RALGPS2: variants seen among roughly 807,000 people sequenced by gnomAD.
RALGPS2 encodes Ral GEF with PH domain and SH3 binding motif 2.
A neutral mutation model predicts 86.8 loss-of-function variants in RALGPS2; 43 were observed. The ratio of observed to expected loss-of-function variants is 0.50; its 90% confidence interval spans 0.39 to 0.64. The LOEUF (loss-of-function observed/expected upper bound fraction) is 0.64. RALGPS2 is among the 30% of genes least tolerant of loss of function. The probability of loss-of-function intolerance (pLI) is 0.00; values close to 1 mark genes in which losing one functional copy is unlikely to be tolerated. For missense variants in RALGPS2, 536 were observed against 694.6 expected (o/e 0.77, Z 2.57); for synonymous variants, 243 against 231.3 (o/e 1.05, Z -0.46).
chr1:178,888,288 A>AT (rs1659574829), intron 13 of RALGPS2, among the ~76,000 whole-genome samples: 1 of 152,200 alleles, frequency 6.6e-6, no homozygotes, highest in Non-Finnish European at 1.5e-5. Context: ...GAAAAAAAGA[A>AT]TAAGTCTATT....
chr1:178,865,562 T>C (rs1254756580), intron 8 of RALGPS2: 1 of 1,614,152 alleles, frequency 6.2e-7, no homozygotes, highest in South Asian at 1.1e-5. Flanking sequence ...GGTACTTGCA[T>C]CTTGCCCCTT....
chr1:178,838,676 C>T (rs1388791875), intron 8 of RALGPS2, among the ~76,000 whole-genome samples: 3 of 152,150 alleles, frequency 2.0e-5, no homozygotes, highest in Non-Finnish European at 2.9e-5. Flanking sequence ...ATGACTTTGA[C>T]GAGTTGAGAG....
At chr1:178,780,113 A>G (rs1653317352) in intron 2 of RALGPS2, among the ~76,000 whole-genome samples, 1 of 152,146 alleles carries the variant, frequency 6.6e-6, no homozygotes, top group South Asian at 2.1e-4. Context: ...AGAAGTTACA[A>G]TCTTATATAA....
intron 6 of RALGPS2, among the ~76,000 whole-genome samples, chr1:178,819,248 C>T (rs955436035): frequency 6.6e-6 from 1 of 152,122 alleles, no homozygotes; most frequent in Non-Finnish European, 1.5e-5. Flanking sequence ...CTGCCTCAGC[C>T]GCCGGAAGTG....
At chr1:178,725,819 C>G (rs979032587) in intron 1 of RALGPS2, 1 of 152,412 alleles carries the variant, frequency 6.6e-6, no homozygotes, top group East Asian at 1.9e-4. Context: ...TCAGGTGAGC[C>G]CGATCCCGGA....
intron 8 of RALGPS2, among the ~76,000 whole-genome samples, chr1:178,838,658 G>T (rs59691597): frequency 0.012 from 1,869 of 152,340 alleles, 39 homozygotes; most frequent in East Asian, 0.092. Flanking sequence ...AACAAAGCTG[G>T]ATGGATAATG....
At chr1:178,782,684 C>A (rs1653451101) in intron 2 of RALGPS2, among the ~76,000 whole-genome samples, 1 of 151,968 alleles carries the variant, frequency 6.6e-6, no homozygotes, top group Admixed American at 6.6e-5. Context: ...CCTTCCCCCA[C>A]CACATCAGCA....
intron 7 of RALGPS2, among the ~76,000 whole-genome samples, chr1:178,825,456 GA>G (rs1655703591): frequency 6.6e-6 from 1 of 152,136 alleles, no homozygotes; most frequent in Non-Finnish European, 1.5e-5. Context: ...GGTGGTAGAA[GA>G]TAAGATCATT....
At chr1:178,836,910 C>T (rs940977221) in intron 8 of RALGPS2, among the ~76,000 whole-genome samples, 5 of 152,132 alleles carry the variant, frequency 3.3e-5, no homozygotes, top group African/African-American at 1.2e-4. Context: ...TCTGCAGTAG[C>T]TGAGACTACA....
chr1:178,839,959 A>C (rs1202207141), intron 8 of RALGPS2, among the ~76,000 whole-genome samples: 1 of 152,220 alleles, frequency 6.6e-6, no homozygotes, highest in Non-Finnish European at 1.5e-5. Context: ...AACTATCCTA[A>C]ATATATATGC....
intron 2 of RALGPS2, among the ~76,000 whole-genome samples, chr1:178,781,012 T>TTATA (rs139284537): frequency 2.7e-5 from 4 of 150,214 alleles, no homozygotes; most frequent in Admixed American, 1.3e-4. Context: ...CTTGAATATG[T>TTATA]TATATATATA....
chr1:178,882,987 A>C (rs761052580), intron 10 of RALGPS2, among the ~76,000 whole-genome samples: 35 of 152,356 alleles, frequency 2.3e-4, no homozygotes, highest in Admixed American at 4.6e-4. Flanking sequence ...GTAAAGTATC[A>C]GTGTAAGCTC....
At chr1:178,880,838 A>G (rs544518217) in intron 10 of RALGPS2, among the ~76,000 whole-genome samples, 1 of 152,328 alleles carries the variant, frequency 6.6e-6, no homozygotes, top group East Asian at 1.9e-4. Context: ...AATATTTATT[A>G]AAGCTAGTTT....
At chr1:178,774,829 A>G (rs1246433910) in intron 1 of RALGPS2, among the ~76,000 whole-genome samples, 1 of 152,234 alleles carries the variant, frequency 6.6e-6, no homozygotes, top group Non-Finnish European at 1.5e-5. Flanking sequence ...GTATCTGAAT[A>G]AATTAAGATA....
chr1:178,788,086 A>G (rs756636934), intron 4 of RALGPS2, among the ~76,000 whole-genome samples: 1 of 152,172 alleles, frequency 6.6e-6, no homozygotes, highest in Non-Finnish European at 1.5e-5. Context: ...AAGATATACT[A>G]GCCTTCCTTT....
chr1:178,884,292 T>C (rs1659384017), intron 11 of RALGPS2, among the ~76,000 whole-genome samples: 1 of 152,180 alleles, frequency 6.6e-6, no homozygotes, highest in Admixed American at 6.5e-5. Context: ...AGTTCCTTAC[T>C]TTACCTGTTA....
chr1:178,753,007 T>G (rs554297534), intron 1 of RALGPS2, among the ~76,000 whole-genome samples: 2 of 152,342 alleles, frequency 1.3e-5, no homozygotes, highest in East Asian at 1.9e-4. Context: ...TGACAAACAT[T>G]GCCCTTTATT....
chr1:178,853,121 T>C (rs1323120883), intron 8 of RALGPS2: 12 of 985,312 alleles, frequency 1.2e-5, no homozygotes, highest in Non-Finnish European at 1.4e-5. Context: ...CACATTGTCA[T>C]TCTCTTTTTG....
At chr1:178,746,995 C>T in intron 1 of RALGPS2, 1 of 930,520 alleles carries the variant, frequency 1.1e-6, no homozygotes, top group Non-Finnish European at 1.8e-6. Flanking sequence ...TTTCTGTATA[C>T]TAGAATCTCC....
Sources: gnomAD v4.1 joint callset for allele counts (sites outside exome capture counted in the v4.1 genomes callset) on GRCh38, gnomAD v4.1.1 for gene constraint, MANE v1.5 for transcripts, NCBI Gene and HGNC (gene_info 2026-07-23, HGNC 2026-07-21) for gene names.